The following CUX1 variants were observed in gnomAD, a reference collection of about 807,000 sequenced individuals.
The protein encoded by CUX1 is cut like homeobox 1.
Under a neutral mutation model 158.8 loss-of-function variants are expected in CUX1, and 31 were observed. That is an observed-to-expected ratio of 0.20 (90% CI 0.15 to 0.26). CUX1 has a LOEUF of 0.26. CUX1 is among the 10% of genes least tolerant of loss of function. The pLI, the probability that CUX1 is intolerant of heterozygous loss-of-function variation, is 1.00. For synonymous variants in CUX1, 879 were observed against 862.1 expected, an observed-to-expected ratio of 1.02 and a Z score of -0.34; for missense variants, 1,589 against 2,014.6, an observed-to-expected ratio of 0.79 and a Z score of 4.04.
At chr7:102,200,014 C>T (rs1006538542) in intron 16 of CUX1, 57 bp from the exon 17 acceptor site, 16 of 1,452,946 alleles carry the variant, frequency 1.1e-5, no homozygotes, top group South Asian at 4.9e-5. Context: ...CTTCGCGCAG[C>T]GCTGATTTTT....
intron 6 of CUX1, 58 bp downstream of exon 6, chr7:102,104,517 A>G (rs547631465): frequency 6.3e-7 from 1 of 1,584,444 alleles, no homozygotes; most frequent in Non-Finnish European, 8.6e-7. Flanking sequence ...TGAACTTCAC[A>G]TCATCAGACA....
At chr7:101,951,400 A>G (rs1809039519) in intron 2 of CUX1, among the ~76,000 whole-genome samples, 1 of 152,178 alleles carries the variant, frequency 6.6e-6, no homozygotes, top group African/African-American at 2.4e-5. Flanking sequence ...CAGTCCCAGG[A>G]TAACTGCACT....
intron 8 of CUX1, among the ~76,000 whole-genome samples, chr7:102,136,679 G>A (rs1283487213): frequency 2.6e-5 from 4 of 152,178 alleles, no homozygotes; most frequent in Admixed American, 1.3e-4. Context: ...GTGAGCCACC[G>A]TGCCCGGCCA....
intron 2 of CUX1, among the ~76,000 whole-genome samples, chr7:101,939,095 A>G (rs1242227040): frequency 1.7e-5 from 1 of 58,008 alleles, no homozygotes; most frequent in Non-Finnish European, 3.8e-5. Context: ...ATATATATAT[A>G]TATATATATA....
intron 22 of CUX1, among the ~76,000 whole-genome samples, chr7:102,235,574 C>T (rs373681346): frequency 2.5e-3 from 375 of 152,070 alleles, no homozygotes; most frequent in Admixed American, 9.6e-3. Flanking sequence ...TGGTGGCGCA[C>T]GCCCGTAATC....
intron 4 of CUX1, among the ~76,000 whole-genome samples, chr7:102,095,126 A>G (rs1829045839): frequency 6.6e-6 from 1 of 151,846 alleles, no homozygotes; most frequent in Non-Finnish European, 1.5e-5. Flanking sequence ...TAAGCCCCCC[A>G]GTAGCTGGGA....
In CUX1 at chr7:101,925,548, C is replaced by T. The variant is rs183614419; in HGVS notation, c.141+9323C>T. Among the ~76,000 whole-genome samples the T allele has an allele frequency of 3.3e-5, 5 of 152,286 alleles. No individual in the cohort carries two copies. In the East Asian group the frequency reaches 9.6e-4, roughly 29 times the overall value. On this transcript the variant is annotated intron_variant, in intron 2 of 23. Coordinates refer to ENST00000292535, the MANE Select transcript of CUX1 (RefSeq NM_181552.4). ...TAAGACAGTGGTGATACTTGCACAA[C>T]TTTGAATATGCCAAATGCCACTGAA...
At position 102,201,316 on chromosome 7, in the gene CUX1, AG is replaced by A. The variant is rs782106148; in HGVS notation, c.2063-39del. The A allele has an allele frequency of 6.3e-6, 10 of 1,586,382 alleles. No homozygotes were observed. The highest frequency in any genetic ancestry group is 7.7e-6 in the Non-Finnish European group (9 of 1,165,010). ...GGATGAGAAGCATGTCCCCAGCTGAAGGGGGCCGCCCTGCCACACTCTCACC... is the reference window on the plus strand; with the variant it reads ...GGATGAGAAGCATGTCCCCAGCTGAAGGGGCCGCCCTGCCACACTCTCACC... On this transcript the variant is annotated intron_variant, in intron 17 of 23. Coordinates refer to ENST00000292535, the MANE Select transcript of CUX1 (RefSeq NM_181552.4). The surrounding 1 kb of genome is among the most constrained non-coding windows in gnomAD (Gnocchi z 5.0).
At chr7:102,089,113 A>G (rs1828266563) in intron 4 of CUX1, among the ~76,000 whole-genome samples, 1 of 152,086 alleles carries the variant, frequency 6.6e-6, no homozygotes, top group Non-Finnish European at 1.5e-5. Context: ...CACTGTGTCT[A>G]ATCTATTGTT....
At chr7:101,988,644 T>C (rs746931832) in intron 2 of CUX1, among the ~76,000 whole-genome samples, 9 of 152,054 alleles carry the variant, frequency 5.9e-5, no homozygotes, top group Non-Finnish European at 1.2e-4. Context: ...TTTCCAGGCA[T>C]TTGGAAAGAG....
intron 8 of CUX1, among the ~76,000 whole-genome samples, chr7:102,135,703 G>A (rs1384512333): frequency 1.3e-5 from 2 of 152,010 alleles, no homozygotes; most frequent in African/African-American, 2.4e-5. Flanking sequence ...GGCCAGGCAC[G>A]GTGGCTCATG....
chr7:102,201,267 C>T lies in CUX1; in HGVS notation c.2063-93C>T. ...CACAGTGTGGTTCTCCCAAATAACC[C>T]ACACTTTGCAGTAGGTCAAGTTAGG... On this transcript the variant is annotated intron_variant, in intron 17 of 23. Coordinates refer to ENST00000292535, the MANE Select transcript of CUX1 (RefSeq NM_181552.4). The surrounding 1 kb of genome is among the most constrained non-coding windows in gnomAD (Gnocchi z 5.0). 1 of 1,527,928 alleles carries T rather than the reference C, an allele frequency of 6.5e-7. No individual in the cohort carries two copies. The highest frequency in any genetic ancestry group is 8.8e-7 in the Non-Finnish European group (1 of 1,135,196). 94.6% of individuals were successfully genotyped at this position (1,527,928 alleles called of 1,614,324 possible).
In CUX1 at chr7:101,916,500, G is replaced by A. The variant is rs759566454; in HGVS notation, c.141+275G>A. On this transcript the variant is annotated intron_variant, in intron 2 of 23. Coordinates refer to ENST00000292535, the MANE Select transcript of CUX1 (RefSeq NM_181552.4). This position sits in a 1 kb window ranked among gnomAD's most constrained non-coding sequence, Gnocchi z 4.4. ...GGACAAGCTTGGTCTGTAAGAACAC[G>A]TGGGCAGGTGTGTGGGTGTCTCAGA... 5.7e-5 allele frequency: 20 copies of A among 348,548 alleles called. No homozygotes were observed. The highest frequency in any genetic ancestry group is 1.3e-4 in the African/African-American group (6 of 47,054). The allele number at this position is 348,548 out of a possible 1,614,324, so 21.6% of individuals were successfully genotyped here.
In CUX1 at chr7:102,199,839, C is replaced by T. The variant is rs559500473; in HGVS notation, c.1961-232C>T. On this transcript the variant is annotated intron_variant, in intron 16 of 23. Coordinates refer to ENST00000292535, the MANE Select transcript of CUX1 (RefSeq NM_181552.4). ...CGGGTACTAACCCACGGGTGGTGTC[C>T]GGCTTTGGCAGAGTAACATTGACCG... 1.7e-4 allele frequency among the ~76,000 whole-genome samples: 26 copies of T among 152,302 alleles called. No homozygotes were observed. The East Asian group carries it at 4.2e-3, about 25-fold the overall frequency.
chr7:102,071,580 T>C (rs1054267562), intron 4 of CUX1, among the ~76,000 whole-genome samples: 1 of 151,242 alleles, frequency 6.6e-6, no homozygotes, highest in Admixed American at 6.6e-5. Context: ...AGTTGTGCCC[T>C]TGCCCTTGTT....
At chr7:101,866,643 T>G (rs540774693) in intron 1 of CUX1, among the ~76,000 whole-genome samples, 206 of 151,654 alleles carry the variant, frequency 1.4e-3, no homozygotes, top group African/African-American at 4.7e-3. Context: ...TAAAAAAAAG[T>G]TAAACTAGAG....
intron 2 of CUX1, among the ~76,000 whole-genome samples, chr7:101,972,019 TGCAGTGG>T (rs1378823529): frequency 5.3e-5 from 8 of 152,258 alleles, no homozygotes; most frequent in African/African-American, 1.7e-4. Context: ...CAGGTGGGAC[TGCAGTGG>T]CGCTATCTTG....
chr7:101,932,350 C>T (rs1430086012), intron 2 of CUX1: 1 of 310,612 alleles, frequency 3.2e-6, no homozygotes, highest in African/African-American at 2.2e-5. Flanking sequence ...ATCAAAGTGC[C>T]AGGAACCCAT....
chr7:101,936,871 C>T (rs1179616090), intron 2 of CUX1, among the ~76,000 whole-genome samples: 1 of 152,202 alleles, frequency 6.6e-6, no homozygotes. Flanking sequence ...CAGGAGCTCC[C>T]CCGTGTCAGC....
Sources: gnomAD v4.1 joint callset for allele counts (sites outside exome capture counted in the v4.1 genomes callset) on GRCh38, gnomAD v4.1.1 for gene constraint, Gnocchi (gnomAD v3.1) non-coding constraint, MANE v1.5 for transcripts, NCBI Gene and HGNC (gene_info 2026-07-23, HGNC 2026-07-21) for gene names.